The following PDXDC1 variants were observed in gnomAD, a reference collection of about 807,000 sequenced individuals.
PDXDC1 encodes pyridoxal-dependent decarboxylase domain-containing protein 1.
A neutral mutation model predicts 100.1 loss-of-function variants in PDXDC1; 42 were observed. That is an observed-to-expected ratio of 0.42 (90% CI 0.33 to 0.54). The LOEUF is 0.54. PDXDC1 is among the 20% of genes least tolerant of loss of function. The probability of loss-of-function intolerance (pLI) is 0.10; values close to 1 mark genes in which losing one functional copy is unlikely to be tolerated. For missense variants in PDXDC1, 636 were observed against 979.2 expected (o/e 0.65, Z 4.68); for synonymous variants, 260 against 371.7 (o/e 0.70, Z 3.46).
At chr16:15,069,018 G>A (rs933623184) in intron 16 of PDXDC1, among the ~76,000 whole-genome samples, 1 of 152,164 alleles carries the variant, frequency 6.6e-6, no homozygotes, top group Non-Finnish European at 1.5e-5. Context: ...AAGAAAAGCA[G>A]AGCTTGTATT....
intron 16 of PDXDC1, among the ~76,000 whole-genome samples, chr16:15,102,887 T>G (rs1383233248): frequency 6.7e-6 from 1 of 149,418 alleles, no homozygotes; most frequent in African/African-American, 2.5e-5. Context: ...TAAAGTGAGC[T>G]GATTGAGCCA....
At chr16:15,145,410 A>G in the PDXDC1 span, among the ~76,000 whole-genome samples, 1 of 152,244 alleles carries the variant, frequency 6.6e-6, no homozygotes, top group Non-Finnish European at 1.5e-5. Context: ...TTCCCTGGGC[A>G]TGGGCTTGCC....
chr16:15,009,198 G>A (rs1434783196), intron 7 of PDXDC1: 2 of 380,794 alleles, frequency 5.3e-6, no homozygotes, highest in East Asian at 6.9e-5. Context: ...TGAAAATGAG[G>A]TTCTTCATTG....
intron 1 of PDXDC1, among the ~76,000 whole-genome samples, chr16:14,996,988 A>G (rs1427952570): frequency 2.0e-5 from 3 of 152,198 alleles, no homozygotes; most frequent in African/African-American, 7.2e-5. Context: ...AGTGTAGGTC[A>G]TGCGTTGCCG....
intron 16 of PDXDC1, chr16:15,094,681 C>T: frequency 5.0e-6 from 1 of 201,192 alleles, no homozygotes; most frequent in Non-Finnish European, 1.0e-5. Context: ...GCTCTATACT[C>T]AGTGCAGCAG....
chr16:15,133,297 C>A, intron 16 of PDXDC1: 1 of 1,575,530 alleles, frequency 6.3e-7, no homozygotes, highest in Non-Finnish European at 8.6e-7. Context: ...CCAGCGAGTA[C>A]TCGATGACGT....
Position 15,104,373 on chromosome 16 carries a change from G to T in PDXDC1, c.1400-34506G>T, listed in dbSNP as rs745562958. On this transcript the variant is annotated intron_variant, in intron 16 of 16. Transcript: ENST00000535621. ...TAGTTTCTTCAGATTATCATCCACT[G>T]AGGGTGGAAGGGGAGTGAGCAGACA... The T allele has an allele frequency of 1.8e-5, 28 of 1,596,376 alleles. No individual in the cohort carries two copies. In the Admixed American group the frequency reaches 1.8e-4, roughly 10 times the overall value.
At chr16:14,978,037 T>G (rs1967088079) in intron 1 of PDXDC1, among the ~76,000 whole-genome samples, 1 of 151,818 alleles carries the variant, frequency 6.6e-6, no homozygotes, top group South Asian at 2.1e-4. Flanking sequence ...GTTCTGTCCC[T>G]TGCTTTTTCT....
intron 16 of PDXDC1, chr16:15,092,568 G>A (rs781180811): frequency 5.6e-6 from 9 of 1,613,464 alleles, no homozygotes; most frequent in Non-Finnish European, 6.8e-6. Flanking sequence ...GTTTTTCTTG[G>A]GGGAGAATTG....
intron 13 of PDXDC1, among the ~76,000 whole-genome samples, chr16:15,024,198 A>G (rs1353316603): frequency 6.6e-6 from 1 of 152,266 alleles, no homozygotes; most frequent in Non-Finnish European, 1.5e-5. Context: ...AGAGGATACA[A>G]TAATTGGCTA....
chr16:15,076,334 G>A (rs1240579805), intron 16 of PDXDC1: 3 of 599,382 alleles, frequency 5.0e-6, no homozygotes, highest in Non-Finnish European at 8.9e-6. Context: ...AAGAACAAAA[G>A]TGAAACATAC....
At chr16:15,052,641 C>T (rs894307604) in intron 16 of PDXDC1, among the ~76,000 whole-genome samples, 4 of 152,146 alleles carry the variant, frequency 2.6e-5, no homozygotes, top group African/African-American at 9.7e-5. Context: ...TCAGACCAGC[C>T]TGGCCAACAT....
intron 8 of PDXDC1, among the ~76,000 whole-genome samples, chr16:15,011,958 TCAGC>T (rs1220422556): frequency 1.3e-5 from 2 of 152,140 alleles, no homozygotes; most frequent in Non-Finnish European, 2.9e-5. Context: ...GCCGCCACAC[TCAGC>T]CAGCCACTGT....
chr16:15,029,755 A>G (rs1424814276), intron 15 of PDXDC1, 196 bp from the exon 16 acceptor site: 1 of 575,186 alleles, frequency 1.7e-6, no homozygotes, highest in African/African-American at 1.9e-5. Context: ...ATTTTTCTAC[A>G]ATGAACTTGT....
At chr16:14,981,200 C>G (rs1231870736) in intron 1 of PDXDC1, among the ~76,000 whole-genome samples, 1 of 152,288 alleles carries the variant, frequency 6.6e-6, no homozygotes, top group Non-Finnish European at 1.5e-5. Context: ...ATAATGCAAA[C>G]CTTTACTTTA....
chr16:15,141,714 C>T (rs866364377), downstream of PDXDC1, among the ~76,000 whole-genome samples: 27 of 152,194 alleles, frequency 1.8e-4, 1 homozygote, highest in South Asian at 1.2e-3. Context: ...GATGGGTGGG[C>T]CCACAGCCAC....
At chr16:15,098,109 G>A (rs1028662219) in intron 16 of PDXDC1, among the ~76,000 whole-genome samples, 6 of 150,496 alleles carry the variant, frequency 4.0e-5, no homozygotes, top group African/African-American at 1.5e-4. Flanking sequence ...TGATGTATGT[G>A]TACAAGTGTT....
chr16:15,111,167 G>C (rs994722917), intron 16 of PDXDC1, among the ~76,000 whole-genome samples: 5 of 148,312 alleles, frequency 3.4e-5, no homozygotes, highest in African/African-American at 1.2e-4. Context: ...AAACACACAA[G>C]AATGACGAGG....
chr16:15,124,694 C>A (rs548286749), intron 16 of PDXDC1, among the ~76,000 whole-genome samples: 1 of 151,864 alleles, frequency 6.6e-6, no homozygotes, highest in Non-Finnish European at 1.5e-5. Flanking sequence ...ACAGTTTGAA[C>A]CCGGGAGGCA....
Sources: allele counts gnomAD v4.1 joint callset (sites outside exome capture counted in the v4.1 genomes callset), GRCh38; gene constraint gnomAD v4.1.1; transcripts MANE v1.5; gene names NCBI Gene and HGNC (gene_info 2026-07-23, HGNC 2026-07-21).